RFX4: variants seen among roughly 807,000 people sequenced by gnomAD.
RFX4 encodes regulatory factor X4.
Under a neutral mutation model 95.0 loss-of-function variants are expected in RFX4, and 10 were observed. The ratio of observed to expected loss-of-function variants is 0.11; its 90% CI spans 0.06 to 0.18. The LOEUF (loss-of-function observed/expected upper bound fraction) is 0.18. RFX4 is among the 10% of genes least tolerant of loss of function. The pLI is 1.00. For missense variants in RFX4, 640 were observed against 922.0 expected, an observed-to-expected ratio of 0.69 and a Z score of 3.96; for synonymous variants, 321 against 340.7, an observed-to-expected ratio of 0.94 and a Z score of 0.64.
rs759576190 is a variant in RFX4 at position 106,696,373 on chromosome 12, G to A, written c.760G>A (p.Val254Met). The A allele has an allele frequency of 7.2e-5, 116 of 1,614,030 alleles. No homozygotes were observed. The highest frequency in any genetic ancestry group is 9.3e-5 in the Non-Finnish European group (110 of 1,180,030). Residue 254 changes from valine (V) to methionine (M), a missense_variant, in exon 8 of 18, where the codon GTG becomes ATG. This residue lies in a region of RFX4 where 96 missense variants were observed against 183.7 expected (regional missense o/e 0.52). Coordinates refer to ENST00000392842, the MANE Select transcript of RFX4 (RefSeq NM_213594.3). ...GSSTVVNIVGVCDSILYKAIS... is the reference protein window; with the variant it reads ...GSSTVVNIVGMCDSILYKAIS... ...CTCCACGGTGGTGAACATTGTCGGCGTGTGTGACTCCATCCTCTACAAAGC... is the reference window on the plus strand; with the variant it reads ...CTCCACGGTGGTGAACATTGTCGGCATGTGTGACTCCATCCTCTACAAAGC...
At chr12:106,743,738 G>A (rs1408939374) in intron 15 of RFX4, among the ~76,000 whole-genome samples, 3 of 152,146 alleles carry the variant, frequency 2.0e-5, no homozygotes, top group Admixed American at 6.6e-5. Flanking sequence ...TCAGGTGATG[G>A]CTATTATCAT....
At chr12:106,693,348 G>C (rs1246457314) in intron 7 of RFX4, among the ~76,000 whole-genome samples, 1 of 152,214 alleles carries the variant, frequency 6.6e-6, no homozygotes, top group Non-Finnish European at 1.5e-5. Context: ...GCTTCAAACA[G>C]ACAGATGCCT....
In RFX4 at chr12:106,684,885, A is replaced by T. The variant is rs1377835820; in HGVS notation, c.378-1999A>T. Reference sequence around the variant, plus strand: ...GCATTCAGATAGATTCGAGATGCCCACTAAGCAGAAATATCACGGAATGGT... The same window carrying T: ...GCATTCAGATAGATTCGAGATGCCCTCTAAGCAGAAATATCACGGAATGGT... On this transcript the variant is annotated intron_variant, in intron 5 of 17. Transcript: ENST00000392842. The T allele has an allele frequency of 5.6e-6, 9 of 1,611,844 alleles. No homozygotes were observed. The Admixed American group carries it at 6.7e-5, about 12-fold the overall frequency.
chr12:106,751,693 G>A (rs1452257420), intron 17 of RFX4, among the ~76,000 whole-genome samples: 39 of 151,792 alleles, frequency 2.6e-4, no homozygotes, highest in Non-Finnish European at 5.0e-4. Flanking sequence ...GCCAGTGATG[G>A]TGAGCATTTT....
At chr12:106,619,184 C>G (rs1400186185) in intron 2 of RFX4, among the ~76,000 whole-genome samples, 1 of 152,120 alleles carries the variant, frequency 6.6e-6, no homozygotes, top group African/African-American at 2.4e-5. Flanking sequence ...TTCCAGGGTT[C>G]TTTCTCCTGC....
chr12:106,737,166 T>G (rs1230061694), intron 15 of RFX4, among the ~76,000 whole-genome samples: 4 of 52,762 alleles, frequency 7.6e-5, no homozygotes, highest in East Asian at 6.0e-4. Flanking sequence ...ACTAAAGTTT[T>G]TTTTTTTTTT....
chr12:106,613,503 C>T (rs1322185555), intron 2 of RFX4, among the ~76,000 whole-genome samples: 2 of 151,792 alleles, frequency 1.3e-5, no homozygotes, highest in African/African-American at 4.8e-5. Context: ...GCTGGGATTA[C>T]AGGCGCCCAC....
At chr12:106,629,225 A>G (rs1406607157) in intron 2 of RFX4, among the ~76,000 whole-genome samples, 1 of 152,232 alleles carries the variant, frequency 6.6e-6, no homozygotes, top group Non-Finnish European at 1.5e-5. Flanking sequence ...CTTGCATAGT[A>G]TCCCATTGTG....
At chr12:106,740,380 C>T (rs867296291) in intron 15 of RFX4, among the ~76,000 whole-genome samples, 1 of 152,198 alleles carries the variant, frequency 6.6e-6, no homozygotes, top group African/African-American at 2.4e-5. Flanking sequence ...GACTCATTTA[C>T]AGGACCTCAG....
chr12:106,660,907 C>T (rs537649284), intron 4 of RFX4, among the ~76,000 whole-genome samples: 2 of 152,276 alleles, frequency 1.3e-5, no homozygotes, highest in South Asian at 2.1e-4. Flanking sequence ...GGAACAGTTT[C>T]ATCCTGAAAC....
chr12:106,691,085 G>A (rs976487776), intron 7 of RFX4, among the ~76,000 whole-genome samples: 1 of 152,170 alleles, frequency 6.6e-6, no homozygotes, highest in Non-Finnish European at 1.5e-5. Flanking sequence ...AAACATTGAG[G>A]GGCAGATGCT....
rs1216900848 is a variant in RFX4, at chr12:106,733,082, A to G, written c.1630A>G (p.Thr544Ala). ...PSPEYTGLST[T>A]GAMQSYTWSL... ...CCCTGAGTACACTGGCCTCAGCACT[A>G]CAGGTAATGGAAAGTCCTTCAAAAA... Residue 544 changes from threonine to alanine, a missense_variant, in exon 15 of 18, where the codon ACA becomes GCA. Coordinates refer to ENST00000392842, the MANE Select transcript of RFX4 (RefSeq NM_213594.3). The G allele has an allele frequency of 1.9e-6, 3 of 1,614,042 alleles. No individual in the cohort carries two copies. In the South Asian group the frequency reaches 3.3e-5, roughly 18 times the overall value.
chr12:106,700,032 T>A (rs942457754), intron 8 of RFX4, among the ~76,000 whole-genome samples: 1 of 152,130 alleles, frequency 6.6e-6, no homozygotes, highest in African/African-American at 2.4e-5. Context: ...TTGGCTTTCT[T>A]TTTCCCCCTC....
chr12:106,687,879 G>A (rs980819888), intron 6 of RFX4, among the ~76,000 whole-genome samples: 2 of 152,076 alleles, frequency 1.3e-5, no homozygotes, highest in Non-Finnish European at 2.9e-5. Flanking sequence ...TCTCCCCTCT[G>A]AATTGCTTTT....
intron 8 of RFX4, among the ~76,000 whole-genome samples, chr12:106,707,379 A>T (rs989824965): frequency 2.0e-5 from 3 of 152,068 alleles, no homozygotes; most frequent in African/African-American, 7.2e-5. Context: ...GTGGGCCTGG[A>T]TAAACTACCC....
intron 13 of RFX4, among the ~76,000 whole-genome samples, chr12:106,731,603 G>C (rs2042611888): frequency 6.6e-6 from 1 of 152,188 alleles, no homozygotes; most frequent in Admixed American, 6.5e-5. Flanking sequence ...AGGGAAATAA[G>C]TAAATAACTT....
rs540734250 is a variant in RFX4 at position 106,590,601 on chromosome 12, C to A, written c.43+7238C>A. The stretch of plus-strand genomic sequence containing the variant: ...GGCAGAATGCAAGTAGGAGACCTAG[C>A]TTTTCATTTGTATTTTAAAAAGCAA... On this transcript the variant is annotated intron_variant, in intron 1 of 17. Transcript: ENST00000392842. Among the ~76,000 whole-genome samples, 32 of 152,276 alleles carry A rather than the reference C, an allele frequency of 2.1e-4. 1 individual carries two copies. The South Asian group carries it at 6.0e-3, about 29-fold the overall frequency.
chr12:106,719,397 TAATTC>T (rs2042355883), intron 11 of RFX4, among the ~76,000 whole-genome samples: 1 of 152,168 alleles, frequency 6.6e-6, no homozygotes, highest in Non-Finnish European at 1.5e-5. Flanking sequence ...CCTCACCCAT[TAATTC>T]AAGCAAGAAT....
At position 106,732,962 on chromosome 12, in the gene RFX4, G is replaced by A. The variant is rs145361726; in HGVS notation, c.1510G>A (p.Ala504Thr). ...AGAGATCATCTTGACAGAGGCTGCCGCACCAACCCCTTCACCAGTGCCATC... is the reference window on the plus strand; with the variant it reads ...AGAGATCATCTTGACAGAGGCTGCCACACCAACCCCTTCACCAGTGCCATC... ...REEIILTEAA[A>T]PTPSPVPSFS... Residue 504 changes from alanine to threonine, a missense_variant, in exon 15 of 18, where the codon GCA becomes ACA. Ala to Thr is a moderately conservative substitution (Grantham distance 58, BLOSUM62 0). Around this residue, in one of 7 missense-constraint regions of RFX4, gnomAD observed 300 missense variants for 346.8 expected, o/e 0.87. Coordinates refer to ENST00000392842, the MANE Select transcript of RFX4 (RefSeq NM_213594.3). The A allele has an allele frequency of 2.8e-5, 45 of 1,614,056 alleles. No homozygotes were observed. The African/African-American group carries it at 5.2e-4, about 19-fold the overall frequency.
Sources: gnomAD v4.1 joint callset for allele counts (sites outside exome capture counted in the v4.1 genomes callset) on GRCh38, gnomAD v4.1.1 for gene constraint, gnomAD v4.1.1 regional missense constraint, MANE v1.5 for transcripts, NCBI Gene and HGNC (gene_info 2026-07-23, HGNC 2026-07-21) for gene names.